NKAIN2: variants seen among roughly 807,000 people sequenced by gnomAD.
The protein encoded by NKAIN2 is sodium/potassium-transporting ATPase subunit beta-1-interacting protein 2.
NKAIN2 carries 14 observed loss-of-function variants against 32.6 expected under a neutral mutation model. That is an observed-to-expected ratio of 0.43 (90% CI 0.28 to 0.67). The LOEUF (loss-of-function observed/expected upper bound fraction) is 0.67. NKAIN2 is among the 30% of genes least tolerant of loss of function. NKAIN2 has a pLI of 0.17. For synonymous variants in NKAIN2, 80 were observed against 87.2 expected (o/e 0.92, Z 0.46); for missense variants, 198 against 258.3 (o/e 0.77, Z 1.60).
At chr6:124,253,202 C>G (rs901063452) in intron 1 of NKAIN2, among the ~76,000 whole-genome samples, 2 of 152,042 alleles carry the variant, frequency 1.3e-5, no homozygotes, top group African/African-American at 4.8e-5. Context: ...AGTGTGGAAG[C>G]CTTGCACATT....
intron 3 of NKAIN2, among the ~76,000 whole-genome samples, chr6:124,640,858 C>A (rs764027651): frequency 3.3e-5 from 5 of 151,962 alleles, no homozygotes; most frequent in Admixed American, 6.6e-5. Flanking sequence ...TCCATCCTTC[C>A]CTCCTTCCCT....
intron 1 of NKAIN2, among the ~76,000 whole-genome samples, chr6:123,912,671 TCC>T (rs770028419): frequency 1.1e-4 from 17 of 152,184 alleles, no homozygotes; most frequent in Non-Finnish European, 2.2e-4. Flanking sequence ...TGATGCCTAC[TCC>T]CCTTCACCTT....
At chr6:124,707,086 C>T (rs1271105861) in intron 4 of NKAIN2, among the ~76,000 whole-genome samples, 3 of 148,234 alleles carry the variant, frequency 2.0e-5, no homozygotes, top group Non-Finnish European at 4.5e-5. Context: ...TGAGAATATG[C>T]GGTGTTTGGT....
intron 1 of NKAIN2, among the ~76,000 whole-genome samples, chr6:124,040,426 T>C (rs1781817973): frequency 6.6e-6 from 1 of 152,022 alleles, no homozygotes. Context: ...CTATAAATTT[T>C]CTTCTGAATA....
intron 3 of NKAIN2, among the ~76,000 whole-genome samples, chr6:124,614,999 C>T (rs58465125): frequency 0.094 from 14,361 of 152,228 alleles, 749 homozygotes; most frequent in South Asian, 0.18. Context: ...TTCGGTCCAT[C>T]TTCAATTGAT....
intron 1 of NKAIN2, among the ~76,000 whole-genome samples, chr6:124,107,816 C>A (rs955981436): frequency 1.4e-4 from 21 of 152,098 alleles, no homozygotes; most frequent in African/African-American, 4.8e-4. Context: ...TTTCACCCTG[C>A]GTAAGGTGTT....
chr6:124,415,602 C>G (rs932472219), intron 3 of NKAIN2, among the ~76,000 whole-genome samples: 1 of 152,136 alleles, frequency 6.6e-6, no homozygotes, highest in Non-Finnish European at 1.5e-5. Flanking sequence ...CCTTCATCCC[C>G]TATTTCTCCT....
chr6:124,029,894 A>ATGT (rs1330811850), intron 1 of NKAIN2, among the ~76,000 whole-genome samples: 1 of 152,060 alleles, frequency 6.6e-6, no homozygotes, highest in Non-Finnish European at 1.5e-5. Context: ...TGAACTGTGC[A>ATGT]TGTGAGAGAT....
At chr6:124,199,273 T>A (rs1790488949) in intron 1 of NKAIN2, among the ~76,000 whole-genome samples, 2 of 152,148 alleles carry the variant, frequency 1.3e-5, no homozygotes, top group Admixed American at 1.3e-4. Flanking sequence ...ATCACATTAG[T>A]TGTAAGTTTC....
Position 124,310,857 on chromosome 6 carries a change from C to T in NKAIN2, c.192+27715C>T, listed in dbSNP as rs149739552. 2.0e-4 allele frequency among the ~76,000 whole-genome samples: 31 copies of T among 152,152 alleles called. No individual in the cohort carries two copies. The East Asian group carries it at 4.8e-3, about 24-fold the overall frequency. On this transcript the variant is annotated intron_variant, in intron 2 of 6. Coordinates refer to ENST00000368417, the MANE Select transcript of NKAIN2 (RefSeq NM_001040214.3). ...GAGATTAGCAGCAAAAGGAAGGCAG[C>T]GTGGTAAGGTGGAAGCACACTGATC...
intron 4 of NKAIN2, among the ~76,000 whole-genome samples, chr6:124,689,998 T>C (rs1333795119): frequency 6.6e-6 from 1 of 152,184 alleles, no homozygotes; most frequent in Non-Finnish European, 1.5e-5. Context: ...AATAATGTGC[T>C]GGCATTTCTA....
chr6:124,319,992 CT>C (rs1407751500), intron 2 of NKAIN2, among the ~76,000 whole-genome samples: 1 of 152,084 alleles, frequency 6.6e-6, no homozygotes, highest in Admixed American at 6.6e-5. Context: ...ATGACTTGAT[CT>C]AATATGTTAC....
chr6:124,822,106 G>T (rs980862991), intron 6 of NKAIN2, among the ~76,000 whole-genome samples: 1 of 152,052 alleles, frequency 6.6e-6, no homozygotes, highest in African/African-American at 2.4e-5. Context: ...TCTGCATTCT[G>T]TTTATTTCTT....
chr6:124,121,555 C>A (rs1049374327), intron 1 of NKAIN2, among the ~76,000 whole-genome samples: 1 of 151,820 alleles, frequency 6.6e-6, no homozygotes, highest in African/African-American at 2.4e-5. Context: ...ATCAAACAGG[C>A]CAATTTTTGG....
chr6:124,050,407 C>T (rs935229281), intron 1 of NKAIN2, among the ~76,000 whole-genome samples: 4 of 151,954 alleles, frequency 2.6e-5, no homozygotes, highest in African/African-American at 9.7e-5. Flanking sequence ...GAACCTGTGT[C>T]ACATCCTTCA....
In NKAIN2 at chr6:123,983,949, C is replaced by T. The variant is rs1451164083; in HGVS notation, c.54+179695C>T. Among the ~76,000 whole-genome samples, 9 of 152,026 alleles carry T rather than the reference C, an allele frequency of 5.9e-5. No homozygotes were observed. The East Asian group carries it at 1.7e-3, about 29-fold the overall frequency. On this transcript the variant is annotated intron_variant, in intron 1 of 6. Transcript: ENST00000368417. ...TGAGATGGAGATTTCCTCTTGTTGC[C>T]CAGGCTAGAGTACAATGGCACAATC...
intron 1 of NKAIN2, among the ~76,000 whole-genome samples, chr6:123,997,122 G>C (rs1470261530): frequency 6.6e-6 from 1 of 152,142 alleles, no homozygotes; most frequent in Non-Finnish European, 1.5e-5. Flanking sequence ...AGTAGATCTA[G>C]TACAACGTGT....
chr6:124,091,857 T>G (rs555198579), intron 1 of NKAIN2, among the ~76,000 whole-genome samples: 1 of 152,096 alleles, frequency 6.6e-6, no homozygotes, highest in Non-Finnish European at 1.5e-5. Context: ...ATCCTCTGAC[T>G]CTTTCCCGCA....
rs141298113 is a variant in NKAIN2 at position 124,073,980 on chromosome 6, T to G, written c.55-209025T>G. 1.1e-3 allele frequency among the ~76,000 whole-genome samples: 163 copies of G among 152,280 alleles called. 2 individuals carry two copies. The East Asian group carries it at 0.017, about 16-fold the overall frequency. ...GTTTGAGGATATGGCTAGGCAGACA[T>G]AGGATTCAGCATTTAATTGTACTCA... is the stretch of plus-strand genomic sequence containing the variant. On this transcript the variant is annotated intron_variant, in intron 1 of 6. Transcript: ENST00000368417.
Sources: allele counts gnomAD v4.1 joint callset (sites outside exome capture counted in the v4.1 genomes callset), GRCh38; gene constraint gnomAD v4.1.1; transcripts MANE v1.5; gene names NCBI Gene and HGNC (gene_info 2026-07-23, HGNC 2026-07-21).